Variants in CPVL observed in about 807,000 individuals in gnomAD.
CPVL encodes the protein probable serine carboxypeptidase CPVL.
A neutral mutation model predicts 63.7 loss-of-function variants in CPVL; 51 were observed. The observed-to-expected ratio is 0.80, with a 90% CI of 0.64 to 1.01. CPVL has a LOEUF of 1.01. Among genes scored for constraint, CPVL ranks in the 50% least tolerant of loss-of-function variants. The pLI is 0.00. For synonymous variants in CPVL, 195 were observed against 206.0 expected (o/e 0.95, Z 0.46); for missense variants, 530 against 573.1 (o/e 0.92, Z 0.77).
chr7:29,102,086 T>C (rs375289158), intron 3 of CPVL, among the ~76,000 whole-genome samples: 1 of 152,186 alleles, frequency 6.6e-6, no homozygotes, highest in African/African-American at 2.4e-5. Flanking sequence ...GAATACTTTA[T>C]AGTTACGAGC....
At chr7:29,034,486 T>C (rs955034617) in intron 11 of CPVL, among the ~76,000 whole-genome samples, 6 of 152,094 alleles carry the variant, frequency 3.9e-5, no homozygotes, top group Admixed American at 2.6e-4. Flanking sequence ...GTTTGTTACA[T>C]AGGTCAATGT....
chr7:29,188,461 G>A (rs960519279), intron 1 of CPVL, among the ~76,000 whole-genome samples: 3 of 152,054 alleles, frequency 2.0e-5, no homozygotes, highest in Non-Finnish European at 4.4e-5. Context: ...TATGTTTTCT[G>A]TATCAGAAGA....
intron 4 of CPVL, among the ~76,000 whole-genome samples, chr7:29,181,905 T>C (rs1033382701): frequency 1.3e-5 from 2 of 152,190 alleles, no homozygotes; most frequent in African/African-American, 4.8e-5. Flanking sequence ...GGAGGGAATA[T>C]GGATGATTTC....
intron 10 of CPVL, 150 bp from the exon 11 acceptor site, chr7:29,064,384 A>C (rs2128564424): frequency 3.9e-6 from 2 of 513,470 alleles, no homozygotes; most frequent in Non-Finnish European, 6.8e-6. Context: ...TTTAACTCGG[A>C]GGTTTTGAGA....
intron 1 of CPVL, among the ~76,000 whole-genome samples, chr7:29,139,571 T>G (rs1325844404): frequency 1.3e-5 from 2 of 152,152 alleles, no homozygotes; most frequent in Admixed American, 6.5e-5. Context: ...AAATTACATG[T>G]TTTTTAAGCA....
chr7:29,115,329 T>A (rs6959505), intron 2 of CPVL, among the ~76,000 whole-genome samples: 52,692 of 151,696 alleles, frequency 0.35, 9,801 homozygotes, highest in African/African-American at 0.5. Context: ...CAACCTCTGT[T>A]GGTCTTCACA....
At chr7:29,016,698 G>A (rs1315694456) in intron 12 of CPVL, among the ~76,000 whole-genome samples, 1 of 152,200 alleles carries the variant, frequency 6.6e-6, no homozygotes, top group Admixed American at 6.5e-5. Flanking sequence ...GCTTTAGGGG[G>A]CTGAGGATGC....
At chr7:29,190,464 G>C (rs889812028) in intron 1 of CPVL, among the ~76,000 whole-genome samples, 1 of 152,170 alleles carries the variant, frequency 6.6e-6, no homozygotes, top group Non-Finnish European at 1.5e-5. Flanking sequence ...TGACAGCCAC[G>C]TTCACCCTGC....
At chr7:29,053,272 T>C (rs1790383610) in intron 11 of CPVL, among the ~76,000 whole-genome samples, 1 of 152,182 alleles carries the variant, frequency 6.6e-6, no homozygotes, top group African/African-American at 2.4e-5. Context: ...GGAAAACATA[T>C]GTTCACACCA....
rs777604046 is a variant in CPVL, at chr7:29,064,167, AC to A, written c.1030del (p.Val344TrpfsTer11). 779 of 1,612,894 alleles carry A rather than the reference AC, an allele frequency of 4.8e-4. No homozygotes were observed. The highest frequency in any genetic ancestry group is 6.2e-4 in the Non-Finnish European group (733 of 1,178,910). On this transcript the variant is annotated frameshift_variant, in exon 11 of 13. Coordinates refer to ENST00000265394, the MANE Select transcript of CPVL (RefSeq NM_031311.5). LOFTEE classifies it high-confidence loss of function. The stretch of plus-strand genomic sequence containing the variant: ...TCCATCATTAAAAGTCTGATTCCCC[AC>A]GTGGATGGCTTGTCTCACCTCTGGG... ...SLPEVRQAIH[V>X]GNQTFNDGTI...
intron 12 of CPVL, among the ~76,000 whole-genome samples, chr7:29,030,018 C>T (rs1787872956): frequency 6.6e-6 from 1 of 152,188 alleles, no homozygotes; most frequent in Admixed American, 6.6e-5. Flanking sequence ...CTTAAAGATA[C>T]CGTTTCCAAC....
chr7:29,137,453 T>C (rs1297214427), intron 1 of CPVL, among the ~76,000 whole-genome samples: 1 of 152,178 alleles, frequency 6.6e-6, no homozygotes, highest in Non-Finnish European at 1.5e-5. Flanking sequence ...GCAAATGGGC[T>C]TTCCACTTGG....
rs11542982 is a variant in CPVL at position 29,096,171 on chromosome 7, G to A, written c.335C>T (p.Pro112Leu). 10 of 1,613,954 alleles carry A rather than the reference G, an allele frequency of 6.2e-6. No individual in the cohort carries two copies. The highest frequency in any genetic ancestry group is 2.2e-5 in the East Asian group (1 of 44,886). The change falls in exon 4 of 13, where the codon CCG becomes CTG. Residue 112 changes from proline (P) to leucine (L), a missense_variant. By Grantham distance (98) the Pro-to-Leu change is moderately conservative (BLOSUM62 -3). Transcript: ENST00000265394. ...GAGTCCAAACATGGATGAACCTCCC[G>A]GCCCACCCTGTAGCCAGAGAACTAC... Reference protein sequence around the residue: ...APVVLWLQGGPGGSSMFGLFV... With the variant: ...APVVLWLQGGLGGSSMFGLFV...
At chr7:29,056,434 A>G (rs576106414) in intron 11 of CPVL, among the ~76,000 whole-genome samples, 1 of 152,350 alleles carries the variant, frequency 6.6e-6, no homozygotes, top group East Asian at 1.9e-4. Context: ...AGTTGGGATC[A>G]TACAGTACGT....
chr7:29,157,997 C>T (rs577422560), intron 5 of CPVL, among the ~76,000 whole-genome samples: 12 of 152,084 alleles, frequency 7.9e-5, no homozygotes, highest in East Asian at 3.9e-4. Context: ...CAAAGAGAAA[C>T]GGAAGGAAGT....
At chr7:29,086,639 G>A in intron 6 of CPVL, 89 bp from the exon 7 acceptor site, 1 of 970,314 alleles carries the variant, frequency 1.0e-6, no homozygotes, top group Non-Finnish European at 1.7e-6. Context: ...TAACTCTTTG[G>A]CAATAGGTTT....
intron 11 of CPVL, among the ~76,000 whole-genome samples, chr7:29,050,216 A>G (rs1249167719): frequency 6.6e-6 from 1 of 152,100 alleles, no homozygotes; most frequent in African/African-American, 2.4e-5. Context: ...TCAAACTGTC[A>G]CTGTTTGCTG....
rs113800116 is a variant in CPVL at position 29,020,466 on chromosome 7, C to T, written c.1320+10111G>A. Among the ~76,000 whole-genome samples, 324 of 152,206 alleles carry T rather than the reference C, an allele frequency of 2.1e-3. 1 individual carries two copies. Among genetic ancestry groups the T allele is most frequent in the Middle Eastern group, 3.4e-3 (1 of 294 alleles). ...TAATTTTTTCTTCGTTATATGTACT[C>T]TTGTAAGCAATCCAGGGTAATAATA... On this transcript the variant is annotated intron_variant, in intron 12 of 12. Coordinates refer to ENST00000265394, the MANE Select transcript of CPVL (RefSeq NM_031311.5).
intron 2 of CPVL, among the ~76,000 whole-genome samples, chr7:29,185,985 TGA>T: frequency 6.6e-6 from 1 of 152,282 alleles, no homozygotes; most frequent in South Asian, 2.1e-4. Flanking sequence ...TCCCCAGAGG[TGA>T]TCAAATTATG....
Sources: allele counts gnomAD v4.1 joint callset (sites outside exome capture counted in the v4.1 genomes callset), GRCh38; gene constraint gnomAD v4.1.1; transcripts MANE v1.5; gene names NCBI Gene and HGNC (gene_info 2026-07-23, HGNC 2026-07-21).